The following SAMM50 variants were observed in gnomAD, a reference collection of about 807,000 sequenced individuals.
The protein encoded by SAMM50 is SAMM50 sorting and assembly machinery component.
In SAMM50, 47 loss-of-function variants were observed where a neutral mutation model predicts 66.9. The observed-to-expected ratio is 0.70, with a 90% CI of 0.56 to 0.90. SAMM50 has a LOEUF of 0.90. SAMM50 is among the 40% of genes least tolerant of loss of function. The probability of loss-of-function intolerance (pLI) is 0.00; values close to 1 mark genes in which losing one functional copy is unlikely to be tolerated. For missense variants in SAMM50, 535 were observed against 595.3 expected, an observed-to-expected ratio of 0.90 and a Z score of 1.05; for synonymous variants, 191 against 214.1, an observed-to-expected ratio of 0.89 and a Z score of 0.94.
chr22:43,973,292 A>T lies in SAMM50; in HGVS notation c.617A>T (p.Glu206Val). 1 of 1,606,892 alleles carries T rather than the reference A, an allele frequency of 6.2e-7. No individual in the cohort carries two copies. Among genetic ancestry groups the T allele is most frequent in the Non-Finnish European group, 8.5e-7 (1 of 1,173,434 alleles). ...TGQFPWSSLR[E>V]TDRGMSAEYS... ...CAGTTCCCTTGGAGCTCACTGCGGG[A>T]GACGGACAGAGGAATGTCAGCTGAG... Residue 206 changes from glutamate (E) to valine (V), a missense_variant, in exon 7 of 15, where the codon GAG (glutamate) becomes GTG (valine). Transcript: ENST00000350028.
intron 7 of SAMM50, 101 bp from the exon 8 acceptor site, chr22:43,975,954 T>C (rs1156486908): frequency 8.1e-6 from 10 of 1,228,310 alleles, no homozygotes; most frequent in Non-Finnish European, 1.1e-5. Context: ...AAAAATTAGA[T>C]ATTTAGTTCA....
intron 6 of SAMM50, 82 bp from the exon 7 acceptor site, chr22:43,973,154 T>A: frequency 1.5e-6 from 2 of 1,310,988 alleles, no homozygotes; most frequent in Middle Eastern, 1.8e-4. Context: ...CCTACGGGCG[T>A]AGTGTTAAGT....
intron 11 of SAMM50, among the ~76,000 whole-genome samples, chr22:43,982,691 A>G (rs748954747): frequency 2.0e-5 from 3 of 152,212 alleles, no homozygotes; most frequent in Non-Finnish European, 2.9e-5. Flanking sequence ...GCTGGAGTGC[A>G]GTGGCACGAT....
chr22:43,971,717 G>GT (rs1047086244), intron 4 of SAMM50, among the ~76,000 whole-genome samples: 27 of 147,342 alleles, frequency 1.8e-4, no homozygotes, highest in East Asian at 3.9e-4. Context: ...TTGGTTTTTG[G>GT]TTTTTTTTTT....
At chr22:43,981,333 T>C in intron 10 of SAMM50, 58 bp from the exon 11 acceptor site, 1 of 1,379,154 alleles carries the variant, frequency 7.3e-7, no homozygotes, top group Non-Finnish European at 1.0e-6. Flanking sequence ...TAGTTGCTGA[T>C]GTTCCTGGAG....
In SAMM50 at chr22:43,981,390, G is replaced by A; in HGVS notation, c.937-1G>A. ...ACAACCATTTGTTTCTATTTGAACA[G>A]GTTTTTTCAGCGTCTTTCTGGGGCG... On this transcript the variant is annotated splice_acceptor_variant, in intron 10 of 14. Transcript: ENST00000350028. LOFTEE classifies it high-confidence loss of function. 6.2e-7 allele frequency: 1 copy of A among 1,613,058 alleles called. No individual in the cohort carries two copies. The highest frequency in any genetic ancestry group is 8.5e-7 in the Non-Finnish European group (1 of 1,179,154).
intron 4 of SAMM50, among the ~76,000 whole-genome samples, chr22:43,970,712 G>A (rs974309474): frequency 2.6e-5 from 4 of 151,986 alleles, no homozygotes; most frequent in Non-Finnish European, 5.9e-5. Flanking sequence ...TTTGTAGTTT[G>A]TACAAAAACT....
At chr22:43,987,917 C>G (rs767154282) in intron 12 of SAMM50, 13 of 138,794 alleles carry the variant, frequency 9.4e-5, no homozygotes, top group Non-Finnish European at 1.7e-4. Flanking sequence ...TATATATACA[C>G]ACACAGAGAG....
At chr22:43,995,684 C>T (rs1287372278) in intron 14 of SAMM50, among the ~76,000 whole-genome samples, 1 of 152,238 alleles carries the variant, frequency 6.6e-6, no homozygotes, top group Non-Finnish European at 1.5e-5. Flanking sequence ...TGTCCTGCCA[C>T]TTCTCAGCCG....
intron 4 of SAMM50, among the ~76,000 whole-genome samples, chr22:43,971,126 C>A (rs144924722): frequency 4.5e-4 from 68 of 152,248 alleles, no homozygotes; most frequent in African/African-American, 1.6e-3. Context: ...TGAGATCATC[C>A]GACTGCACTC....
chr22:43,973,806 T>G (rs1212705497), intron 7 of SAMM50, among the ~76,000 whole-genome samples: 1 of 152,094 alleles, frequency 6.6e-6, no homozygotes, highest in Non-Finnish European at 1.5e-5. Flanking sequence ...GAGATGGCGG[T>G]TTCCTTATGT....
intron 4 of SAMM50, among the ~76,000 whole-genome samples, chr22:43,970,207 T>G (rs1055933644): frequency 3.3e-5 from 5 of 152,128 alleles, no homozygotes; most frequent in Non-Finnish European, 7.4e-5. Flanking sequence ...CACCTTGGGC[T>G]GGCGTGGTTT....
At chr22:43,957,157 G>T (rs2050123832) in intron 1 of SAMM50, 2 of 763,760 alleles carry the variant, frequency 2.6e-6, no homozygotes, top group Non-Finnish European at 4.8e-6. Context: ...TTCTATTTGG[G>T]CTCATGTATA....
intron 7 of SAMM50, chr22:43,975,253 C>A: frequency 6.6e-6 from 1 of 152,550 alleles, no homozygotes; most frequent in Non-Finnish European, 1.5e-5. Context: ...ACCATGAAGG[C>A]GGGATGGAGT....
In SAMM50 at chr22:43,976,831, T is replaced by A; in HGVS notation, c.849+10T>A. ...GCTGAAAGTTAACCAGGTAGTGTTG[T>A]TTCACCTGTGACCCCTGCAGGGTGA... On this transcript the variant is annotated intron_variant, in intron 9 of 14. Transcript: ENST00000350028. 1.2e-6 allele frequency: 2 copies of A among 1,604,296 alleles called. No individual in the cohort carries two copies. The highest frequency in any genetic ancestry group is 1.7e-6 in the Non-Finnish European group (2 of 1,172,860).
Position 43,989,335 on chromosome 22 carries a change from CTG to C in SAMM50, c.1222+80_1222+81del, listed in dbSNP as rs1489531153. On this transcript the variant is annotated intron_variant, in intron 13 of 14. Coordinates refer to ENST00000350028, the MANE Select transcript of SAMM50 (RefSeq NM_015380.5). ...AAAAGCACAGTACACAAAGAGGTGT[CTG>C]TCTTTTTTTTTTTTTTTTGAGATGG... 1.9e-5 allele frequency: 22 copies of C among 1,174,018 alleles called. No individual in the cohort carries two copies. In the African/African-American group the frequency reaches 3.4e-4, roughly 18 times the overall value. 72.7% of individuals were successfully genotyped at this position (1,174,018 alleles called of 1,614,324 possible). A position where few individuals can be genotyped will look rare whatever the true frequency, so the allele number is the denominator to read the frequency against.
At chr22:43,965,710 C>T (rs2050169648) in intron 3 of SAMM50, among the ~76,000 whole-genome samples, 1 of 143,328 alleles carries the variant, frequency 7.0e-6, no homozygotes. Flanking sequence ...GTTCCTTAAA[C>T]AGTAATGCCA....
At chr22:43,977,250 C>T (rs533629511) in intron 9 of SAMM50, among the ~76,000 whole-genome samples, 3 of 152,156 alleles carry the variant, frequency 2.0e-5, no homozygotes, top group Admixed American at 6.5e-5. Context: ...GTGTTGGAGG[C>T]GGGCTGTTAG....
At chr22:43,988,846 T>C in intron 12 of SAMM50, 1 of 340,064 alleles carries the variant, frequency 2.9e-6, no homozygotes, top group Non-Finnish European at 5.3e-6. Flanking sequence ...ATACGATGAA[T>C]GACAGAGTGC....
Sources: gnomAD v4.1 joint callset for allele counts (sites outside exome capture counted in the v4.1 genomes callset) on GRCh38, gnomAD v4.1.1 for gene constraint, MANE v1.5 for transcripts, NCBI Gene and HGNC (gene_info 2026-07-23, HGNC 2026-07-21) for gene names.